The following SUGP2 variants were observed in gnomAD, a reference collection of about 807,000 sequenced individuals.
SUGP2 encodes SURP and G-patch domain containing 2.
SUGP2 carries 24 observed loss-of-function variants against 90.5 expected under a neutral mutation model. The ratio of observed to expected loss-of-function variants is 0.27; its 90% CI spans 0.19 to 0.37. The LOEUF (loss-of-function observed/expected upper bound fraction) is 0.37, where lower values mean the gene tolerates loss of function less well. Ranked by LOEUF, SUGP2 falls within the 10% of genes least tolerant of loss-of-function variation. The pLI is 1.00. For synonymous variants in SUGP2, 473 were observed against 513.4 expected, an observed-to-expected ratio of 0.92 and a Z score of 1.06; for missense variants, 1,233 against 1,363.3, an observed-to-expected ratio of 0.90 and a Z score of 1.51.
At position 19,004,656 on chromosome 19, in the gene SUGP2, A is replaced by G. The variant is rs894432635; in HGVS notation, c.2451-10T>C. The G allele has an allele frequency of 1.9e-6, 3 of 1,579,440 alleles. No individual in the cohort carries two copies. Among genetic ancestry groups the G allele is most frequent in the African/African-American group, 1.3e-5 (1 of 74,200 alleles). On this transcript the variant is annotated splice_polypyrimidine_tract_variant and intron_variant, in intron 6 of 10. Transcript: ENST00000452918. ...TTGGTCATGTAGAAACCTGGGGCAC[A>G]GAGGAAATACATTGGGTAACCAGAT...
In SUGP2 at chr19:19,019,115, G is replaced by T; in HGVS notation, c.1844C>A (p.Ala615Asp). ...TGGACATTTAAAGACCTACCAGTAA[G>T]CAGGGTCCTCTTTGAGAAGAGTTCT... is the stretch of plus-strand genomic sequence containing the variant. ...KERTLLKEDP[A>D]YWFLSDENSL... is the part of the protein sequence containing the mutation. The change falls in exon 4 of 11, where the codon GCT becomes GAT. Residue 615 changes from alanine to aspartate, a missense_variant. Transcript: ENST00000452918. The T allele has an allele frequency of 6.2e-7, 1 of 1,613,812 alleles. No individual in the cohort carries two copies. The highest frequency in any genetic ancestry group is 2.2e-5 in the East Asian group (1 of 44,886).
At chr19:19,028,572 G>A (rs768716267) in intron 2 of SUGP2, among the ~76,000 whole-genome samples, 2 of 152,224 alleles carry the variant, frequency 1.3e-5, no homozygotes, top group African/African-American at 2.4e-5. Flanking sequence ...ATGAGGAGAT[G>A]AAAAGTTCAG....
At chr19:19,022,174 C>T (rs1039551252) in intron 3 of SUGP2, among the ~76,000 whole-genome samples, 6 of 152,080 alleles carry the variant, frequency 3.9e-5, no homozygotes, top group Admixed American at 6.5e-5. Context: ...TTAGTAGAGA[C>T]GGGGTTTCAC....
chr19:19,030,011 T>C (rs576650284), intron 2 of SUGP2, among the ~76,000 whole-genome samples: 2 of 150,036 alleles, frequency 1.3e-5, no homozygotes, highest in African/African-American at 4.9e-5. Context: ...AGCCAGGAAA[T>C]GGATCCAAGA....
At chr19:19,030,389 C>A (rs1006118813) in intron 2 of SUGP2, among the ~76,000 whole-genome samples, 2 of 152,130 alleles carry the variant, frequency 1.3e-5, no homozygotes, top group Non-Finnish European at 2.9e-5. Flanking sequence ...ACTCAGGAGG[C>A]TGAGGCAGGA....
Position 19,025,649 on chromosome 19 carries a change from G to A in SUGP2, c.699C>T (p.Gly233=), listed in dbSNP as rs149014765. ...GSLLGKGETQ[G]LLTAKGGVGK... ...CAACACCCCCCTTAGCTGTGAGCAG[G>A]CCCTGAGTCTCCCCCTTTCCTAGGA... The change falls in exon 3 of 11, where the codon GGC becomes GGT. Residue 233 remains glycine, a synonymous_variant. Transcript: ENST00000452918. 16 of 1,613,838 alleles carry A rather than the reference G, an allele frequency of 9.9e-6. No individual in the cohort carries two copies. The highest frequency in any genetic ancestry group is 1.2e-5 in the Non-Finnish European group (14 of 1,180,028).
chr19:19,033,400 G>A (rs2059271128), intron 1 of SUGP2, 37 bp downstream of exon 1: 14 of 1,279,374 alleles, frequency 1.1e-5, no homozygotes, highest in African/African-American at 1.6e-5. Flanking sequence ...CCCACCCCGG[G>A]AGCCACCCAC....
chr19:18,996,834 G>A (rs1266638942), intron 8 of SUGP2, among the ~76,000 whole-genome samples: 1 of 152,198 alleles, frequency 6.6e-6, no homozygotes, highest in Non-Finnish European at 1.5e-5. Flanking sequence ...GGGATTACAG[G>A]CATGAGCCAC....
At position 19,008,306 on chromosome 19, in the gene SUGP2, G is replaced by A. The variant is rs1011060789; in HGVS notation, c.2450+11C>T. On this transcript the variant is annotated intron_variant, in intron 6 of 10. Coordinates refer to ENST00000452918, the MANE Select transcript of SUGP2 (RefSeq NM_001017392.5). ...AGAAAAAGGTGTGATGAGACCCGGGGGGGTACGTACCACAGGTCAGGGTTA... is the reference window on the plus strand; with the variant it reads ...AGAAAAAGGTGTGATGAGACCCGGGAGGGTACGTACCACAGGTCAGGGTTA... 5 of 1,601,990 alleles carry A rather than the reference G, an allele frequency of 3.1e-6. No individual in the cohort carries two copies. Among genetic ancestry groups the A allele is most frequent in the African/African-American group, 1.3e-5 (1 of 74,740 alleles).
At position 19,000,943 on chromosome 19, in the gene SUGP2, G is replaced by A. The variant is rs564510742; in HGVS notation, c.2991+670C>T. On this transcript the variant is annotated intron_variant, in intron 8 of 10. Coordinates refer to ENST00000452918, the MANE Select transcript of SUGP2 (RefSeq NM_001017392.5). Reference sequence around the variant, plus strand: ...TGGTCTTAAACTCTTGGACTCAAGCGATCTGCCCACTTTGGCCTCCTAAAC... The same window carrying A: ...TGGTCTTAAACTCTTGGACTCAAGCAATCTGCCCACTTTGGCCTCCTAAAC... 8.6e-5 allele frequency among the ~76,000 whole-genome samples: 13 copies of A among 151,870 alleles called. No homozygotes were observed. The East Asian group carries it at 9.7e-4, about 11-fold the overall frequency.
chr19:19,032,847 C>T (rs1304926326), intron 1 of SUGP2, among the ~76,000 whole-genome samples: 1 of 152,174 alleles, frequency 6.6e-6, no homozygotes, highest in Non-Finnish European at 1.5e-5. Flanking sequence ...TTCGCAAAAC[C>T]TCCAACTTCA....
chr19:19,013,622 A>G (rs751630700), intron 4 of SUGP2, among the ~76,000 whole-genome samples: 2 of 152,102 alleles, frequency 1.3e-5, no homozygotes, highest in African/African-American at 4.8e-5. Context: ...CTGGGATTTT[A>G]GTTTCTTTTA....
intron 7 of SUGP2, chr19:19,003,625 A>C (rs2145371878): frequency 6.5e-6 from 1 of 153,020 alleles, no homozygotes; most frequent in East Asian, 1.9e-4. Flanking sequence ...AGTCAACAAA[A>C]TTCAAATGGT....
chr19:19,026,290 A>C, intron 2 of SUGP2, 64 bp from the exon 3 acceptor site: 2 of 1,421,682 alleles, frequency 1.4e-6, no homozygotes, highest in South Asian at 3.0e-5. Flanking sequence ...CAGAGAATGC[A>C]AACAGTGCAA....
intron 8 of SUGP2, among the ~76,000 whole-genome samples, chr19:18,997,469 G>A (rs1425435745): frequency 6.6e-6 from 1 of 152,156 alleles, no homozygotes; most frequent in African/African-American, 2.4e-5. Flanking sequence ...TCAACATGCA[G>A]CAAGATGTAG....
At chr19:18,996,319 C>T (rs1489265488) in intron 8 of SUGP2, among the ~76,000 whole-genome samples, 1 of 152,176 alleles carries the variant, frequency 6.6e-6, no homozygotes, top group Non-Finnish European at 1.5e-5. Flanking sequence ...TCGCCTGAAC[C>T]TGGGAGGCAG....
intron 2 of SUGP2, among the ~76,000 whole-genome samples, chr19:19,029,397 G>A (rs750299846): frequency 1.3e-5 from 2 of 148,720 alleles, no homozygotes; most frequent in Non-Finnish European, 3.0e-5. Context: ...GCCTCCCAAA[G>A]TGCTAGGATT....
chr19:19,023,654 T>C (rs774826591), intron 3 of SUGP2, among the ~76,000 whole-genome samples: 3 of 152,082 alleles, frequency 2.0e-5, no homozygotes, highest in Non-Finnish European at 4.4e-5. Flanking sequence ...ATCCCAGCAC[T>C]TTGGGAGGCT....
rs1456377998 is a variant in SUGP2, at chr19:19,025,762, G to A, written c.586C>T (p.Pro196Ser). 1.2e-6 allele frequency: 2 copies of A among 1,613,924 alleles called. No homozygotes were observed. Among genetic ancestry groups the A allele is most frequent in the East Asian group, 4.5e-5 (2 of 44,876 alleles). ...CTAAGCACAGAGTCAGCCTCCCCAG[G>A]ATGGTCCACGTCATAATCCCGACTC... ...KESRDYDVDHPGEADSVLRGG... is the reference protein window; with the variant it reads ...KESRDYDVDHSGEADSVLRGG... The change falls in exon 3 of 11, where the codon CCT becomes TCT. Residue 196 changes from proline (P) to serine (S), a missense_variant. Physicochemically the swap from Pro to Ser is moderately conservative, Grantham distance 74. Around this residue, in one of 8 missense-constraint regions of SUGP2, gnomAD observed 418 missense variants for 399.9 expected, o/e 1.05. Transcript: ENST00000452918.
Sources: allele counts gnomAD v4.1 joint callset (sites outside exome capture counted in the v4.1 genomes callset), GRCh38; gene constraint gnomAD v4.1.1; regional missense constraint gnomAD v4.1.1; transcripts MANE v1.5; gene names NCBI Gene and HGNC (gene_info 2026-07-23, HGNC 2026-07-21).